The following PLCH2 variants were observed in gnomAD, a reference collection of about 807,000 sequenced individuals.
PLCH2 encodes the protein 1-phosphatidylinositol 4,5-bisphosphate phosphodiesterase eta-2.
In PLCH2, 98 loss-of-function variants were observed where a neutral mutation model predicts 134.7. The ratio of observed to expected loss-of-function variants is 0.73; its 90% CI spans 0.62 to 0.86. The LOEUF (loss-of-function observed/expected upper bound fraction) is 0.86, where lower values mean the gene tolerates loss of function less well. PLCH2 is among the 40% of genes least tolerant of loss of function. PLCH2 has a pLI of 0.00. For missense variants in PLCH2, 1,994 were observed against 1,986.6 expected (o/e 1.00, Z -0.07); for synonymous variants, 974 against 827.5 (o/e 1.18, Z -3.04).
chr1:2,494,345 G>C (rs1435791625), intron 11 of PLCH2: 1 of 176,396 alleles, frequency 5.7e-6, no homozygotes, highest in South Asian at 1.1e-4. Context: ...GGTTTCCTGG[G>C]GTTCCCCAGC....
At chr1:2,489,520 C>A in intron 9 of PLCH2, 142 bp downstream of exon 9, 1 of 847,066 alleles carries the variant, frequency 1.2e-6, no homozygotes, top group Admixed American at 2.5e-5. Flanking sequence ...CCTGACCTGG[C>A]CTCCATCTCC....
intron 21 of PLCH2, 70 bp from the exon 22 acceptor site, chr1:2,503,852 C>T: frequency 1.5e-6 from 1 of 653,006 alleles, no homozygotes; most frequent in Non-Finnish European, 2.8e-6. Flanking sequence ...CTCTCCGCCT[C>T]TCTCCCTGCC....
In PLCH2 at chr1:2,487,632, T is replaced by C; in HGVS notation, c.1149T>C (p.Ile383=). The C allele has an allele frequency of 1.2e-6, 2 of 1,613,346 alleles. No homozygotes were observed. Among genetic ancestry groups the C allele is most frequent in the Non-Finnish European group, 1.7e-6 (2 of 1,179,774 alleles). The stretch of plus-strand genomic sequence containing the variant: ...GGGATGGGCCCGACGGGGAGCCCAT[T>C]GTGCACCATGGCTACACTCTGACTT... The part of the protein sequence containing the change: ...DCWDGPDGEP[I]VHHGYTLTSK... Residue 383 remains isoleucine, a synonymous_variant, in exon 8 of 22, where the codon ATT becomes ATC. Coordinates refer to ENST00000378486, the MANE Select transcript of PLCH2 (RefSeq NM_014638.4).
rs537197639 is a variant in PLCH2, at chr1:2,439,845, G to A, written c.115+9216G>A. On this transcript the variant is annotated intron_variant, in intron 2 of 3. Coordinates refer to the PLCH2 transcript ENST00000609981. This position sits in a 1 kb window ranked among gnomAD's most constrained non-coding sequence, Gnocchi z 4.7. ...GCAGCCAGGCCTGGCTGGAGTGTTC[G>A]AGGGCAGCGGGCACGCGGCTCCCTG... 5.3e-5 allele frequency among the ~76,000 whole-genome samples: 8 copies of A among 152,232 alleles called. No individual in the cohort carries two copies. The highest frequency in any genetic ancestry group is 1.3e-4 in the Admixed American group (2 of 15,302).
upstream of PLCH2, among the ~76,000 whole-genome samples, chr1:2,464,523 G>A (rs1008889093): frequency 6.6e-6 from 1 of 152,232 alleles, no homozygotes; most frequent in Non-Finnish European, 1.5e-5. Flanking sequence ...CCTGTGCCCT[G>A]GGGCAGGGGC....
chr1:2,470,911 C>T (rs1641293549), intron 1 of PLCH2, among the ~76,000 whole-genome samples: 1 of 152,212 alleles, frequency 6.6e-6, no homozygotes, highest in Non-Finnish European at 1.5e-5. Context: ...CACCTGCCTT[C>T]AGAGAGCCCC....
chr1:2,477,705 G>A (rs1300047187), intron 1 of PLCH2, among the ~76,000 whole-genome samples: 1 of 152,176 alleles, frequency 6.6e-6, no homozygotes, highest in East Asian at 1.9e-4. Context: ...AAGGAGCGAG[G>A]CAGGCAGCCT....
At chr1:2,496,360 C>G (rs1642882940) in intron 13 of PLCH2, among the ~76,000 whole-genome samples, 2 of 152,230 alleles carry the variant, frequency 1.3e-5, no homozygotes, top group Non-Finnish European at 2.9e-5. Context: ...GCTTGGCAGG[C>G]CACGTCATCC....
chr1:2,433,481 C>A (rs1426237431), intron 2 of PLCH2, among the ~76,000 whole-genome samples: 4 of 151,060 alleles, frequency 2.6e-5, no homozygotes, highest in African/African-American at 9.9e-5. Flanking sequence ...AGTATGTGTC[C>A]CCGCCATTCT....
chr1:2,459,578 CTCCTTGCCGGTGGTCT>C lies in PLCH2; in HGVS notation c.116-18892_116-18877del, dbSNP rs1263575633. 2.9e-5 allele frequency among the ~76,000 whole-genome samples: 4 copies of C among 136,894 alleles called. 1 individual carries two copies. Among genetic ancestry groups the C allele is most frequent in the African/African-American group, 5.5e-5 (2 of 36,682 alleles). The allele number at this position is 136,894 out of a possible 152,430, so 89.8% of individuals were successfully genotyped here. On this transcript the variant is annotated intron_variant, in intron 2 of 3. Coordinates refer to the PLCH2 transcript ENST00000609981. ...CTGGTGGTCCTCCTTGCCGGTGGTC[CTCCTTGCCGGTGGTCT>C]TCCTTTCCGGTGGTCCTCCTTGCCT...
chr1:2,496,704 G>C lies in PLCH2; in HGVS notation c.1933G>C (p.Ala645Pro). 6.2e-7 allele frequency: 1 copy of C among 1,611,618 alleles called. No homozygotes were observed. The highest frequency in any genetic ancestry group is 8.5e-7 in the Non-Finnish European group (1 of 1,179,230). Residue 645 changes from alanine to proline, a missense_variant and splice_region_variant, in exon 14 of 22, where the codon GCG (alanine) becomes CCG (proline). Coordinates refer to ENST00000378486, the MANE Select transcript of PLCH2 (RefSeq NM_014638.4). Reference protein sequence around the residue: ...SVATHDIEMEAASSWQVSSFS... With the variant: ...SVATHDIEMEPASSWQVSSFS... ...GGCCACCCACGACATAGAGATGGAG[G>C]GTGAGTGGCTCGGGGACCTGGGGCC...
At position 2,504,933 on chromosome 1, in the gene PLCH2, C is replaced by A; in HGVS notation, c.3971C>A (p.Ala1324Asp). ...DITSPTSLGP[A>D]GEGVAGGPGF... is the part of the protein sequence containing the mutation. ...ACGTCACCCACCAGCCTGGGCCCGGCTGGGGAGGGGGTGGCAGGGGGCCCT... is the reference window on the plus strand; with the variant it reads ...ACGTCACCCACCAGCCTGGGCCCGGATGGGGAGGGGGTGGCAGGGGGCCCT... Residue 1324 changes from alanine (A) to aspartate (D), a missense_variant, in exon 22 of 22, where the codon GCT becomes GAT. Around this residue, in one of 2 missense-constraint regions of PLCH2, gnomAD observed 900 missense variants for 752.3 expected, o/e 1.20. Coordinates refer to ENST00000378486, the MANE Select transcript of PLCH2 (RefSeq NM_014638.4). 5.1e-6 allele frequency: 8 copies of A among 1,568,960 alleles called. No homozygotes were observed. The highest frequency in any genetic ancestry group is 6.0e-6 in the Non-Finnish European group (7 of 1,157,234).
rs758821691 is a variant in PLCH2 at position 2,496,703 on chromosome 1, G to A, written c.1932G>A (p.Glu644=). 2.5e-6 allele frequency: 4 copies of A among 1,611,744 alleles called. No homozygotes were observed. Among genetic ancestry groups the A allele is most frequent in the South Asian group, 2.2e-5 (2 of 90,936 alleles). ...KSVATHDIEM[E]AASSWQVSSF... ...TGGCCACCCACGACATAGAGATGGA[G>A]GGTGAGTGGCTCGGGGACCTGGGGC... Residue 644 remains glutamate, a splice_region_variant and synonymous_variant, in exon 14 of 22, where the codon GAG becomes GAA. Transcript: ENST00000378486.
rs1172457536 is a variant in PLCH2, at chr1:2,505,264, G to A, written c.*51G>A. 2.1e-6 allele frequency: 3 copies of A among 1,422,418 alleles called. No homozygotes were observed. The highest frequency in any genetic ancestry group is 5.0e-5 in the East Asian group (2 of 40,324). The allele number at this position is 1,422,418 out of a possible 1,614,324, so 88.1% of individuals were successfully genotyped here. A position where few individuals can be genotyped will look rare whatever the true frequency, so the allele number is the denominator to read the frequency against. On this transcript the variant is annotated 3_prime_UTR_variant, in exon 22 of 22. Coordinates refer to ENST00000378486, the MANE Select transcript of PLCH2 (RefSeq NM_014638.4). Reference sequence around the variant, plus strand: ...CTCTGGAGGCCCAGGGCAGGGGTGGGCGTGTTGTTTGCTCAGGAAACAGGG... The same window carrying A: ...CTCTGGAGGCCCAGGGCAGGGGTGGACGTGTTGTTTGCTCAGGAAACAGGG...
rs72644619 is a variant in PLCH2 at position 2,441,797 on chromosome 1, A to C, written c.115+11168A>C. ...AAGCCCTGGAGCTGCCGCAGGGTTC[A>C]CTGGGGGAGGAGCGGCTCTCTTTGC... On this transcript the variant is annotated intron_variant, in intron 2 of 3. Transcript: ENST00000609981. 9.8e-3 allele frequency among the ~76,000 whole-genome samples: 1,493 copies of C among 152,114 alleles called. 17 individuals are homozygous for C. The highest frequency in any genetic ancestry group is 0.042 in the East Asian group (215 of 5,164).
At chr1:2,440,012 G>C (rs1487380430) in intron 2 of PLCH2, among the ~76,000 whole-genome samples, 2 of 152,168 alleles carry the variant, frequency 1.3e-5, no homozygotes. Flanking sequence ...AACCAGGCAG[G>C]GGTGGGCAGG....
intron 2 of PLCH2, among the ~76,000 whole-genome samples, chr1:2,456,844 G>A (rs575146318): frequency 6.6e-6 from 1 of 152,270 alleles, no homozygotes; most frequent in South Asian, 2.1e-4. Flanking sequence ...GGAGGGGCCC[G>A]TGCTGGGTCT....
chr1:2,419,429 G>A, the PLCH2 span, among the ~76,000 whole-genome samples: 1 of 152,146 alleles, frequency 6.6e-6, no homozygotes, highest in African/African-American at 2.4e-5. Flanking sequence ...GGGATCGAAG[G>A]GGCGCCTGTG....
chr1:2,484,928 G>A (rs993004993), intron 5 of PLCH2, among the ~76,000 whole-genome samples: 1 of 152,062 alleles, frequency 6.6e-6, no homozygotes, highest in Non-Finnish European at 1.5e-5. Flanking sequence ...GAATGGCTTG[G>A]TCCTGACTGT....
Sources: allele counts gnomAD v4.1 joint callset (sites outside exome capture counted in the v4.1 genomes callset), GRCh38; gene constraint gnomAD v4.1.1; regional missense constraint gnomAD v4.1.1; non-coding constraint Gnocchi (gnomAD v3.1); transcripts MANE v1.5; gene names NCBI Gene and HGNC (gene_info 2026-07-23, HGNC 2026-07-21).